MRPS6: variants seen among roughly 807,000 people sequenced by gnomAD.
MRPS6 encodes the protein mitochondrial ribosomal protein S6.
Under a neutral mutation model 13.1 loss-of-function variants are expected in MRPS6, and 6 were observed. That is an observed-to-expected ratio of 0.46 (90% CI 0.25 to 0.91). The LOEUF (loss-of-function observed/expected upper bound fraction) is 0.91. MRPS6 is among the 40% of genes least tolerant of loss of function. MRPS6 has a pLI of 0.18. For missense variants in MRPS6, 164 were observed against 155.6 expected (o/e 1.05, Z -0.29); for synonymous variants, 61 against 56.5 (o/e 1.08, Z -0.36).
intron 1 of MRPS6, chr21:34,095,656 C>G: frequency 6.2e-7 from 1 of 1,613,526 alleles, no homozygotes; most frequent in Non-Finnish European, 8.5e-7. Flanking sequence ...ATCCAGGAGT[C>G]TTTGGGTTGG....
At chr21:34,082,199 A>G (rs1218274709) in intron 1 of MRPS6, among the ~76,000 whole-genome samples, 3 of 152,094 alleles carry the variant, frequency 2.0e-5, no homozygotes, top group Admixed American at 1.3e-4. Context: ...ATCTCTTAGC[A>G]TTTATGTTGA....
chr21:34,091,484 A>C (rs529981117), intron 1 of MRPS6, among the ~76,000 whole-genome samples: 10 of 152,180 alleles, frequency 6.6e-5, no homozygotes, highest in Non-Finnish European at 1.5e-4. Context: ...TCTGGTCATG[A>C]TAACTAATTA....
intron 1 of MRPS6, among the ~76,000 whole-genome samples, chr21:34,118,557 C>CTTTTT (rs373895797): frequency 2.3e-5 from 3 of 133,172 alleles, no homozygotes; most frequent in Non-Finnish European, 3.2e-5. Context: ...TTCTTTCTTT[C>CTTTTT]TTTTTTTTTT....
chr21:34,095,643 TTTA>T, intron 1 of MRPS6: 1 of 1,613,824 alleles, frequency 6.2e-7, no homozygotes, highest in Non-Finnish European at 8.5e-7. Flanking sequence ...GGGTGCCCTT[TTTA>T]TCCAGGAGTC....
intron 1 of MRPS6, among the ~76,000 whole-genome samples, chr21:34,108,236 C>T (rs1979560621): frequency 6.6e-6 from 1 of 152,188 alleles, no homozygotes. Context: ...CTTGCCAGCT[C>T]CATTCATGGT....
chr21:34,128,420 G>A (rs1980384922), intron 2 of MRPS6, among the ~76,000 whole-genome samples: 1 of 152,156 alleles, frequency 6.6e-6, no homozygotes, highest in African/African-American at 2.4e-5. Context: ...TGGAAGAAAA[G>A]AGTAGGTAAG....
intron 1 of MRPS6, chr21:34,095,361 C>T: frequency 1.2e-6 from 2 of 1,614,122 alleles, no homozygotes; most frequent in Non-Finnish European, 1.7e-6. Context: ...TGGTGCCTCT[C>T]TGTTTGTGAG....
rs1270895662 is a variant in MRPS6 at position 34,073,597 on chromosome 21, C to T, written c.-104C>T. On this transcript the variant is annotated 5_prime_UTR_variant, in exon 1 of 3. Transcript: ENST00000399312. ...GACCGTGCTTTCGCCGCCTGGGAGC[C>T]GTCCGGCGCAGCAGTTTCTAGGTCC... The T allele has an allele frequency of 1.3e-5, 13 of 1,008,732 alleles. No individual in the cohort carries two copies. In the South Asian group the frequency reaches 1.4e-4, roughly 11 times the overall value. 62.5% of individuals were successfully genotyped at this position (1,008,732 alleles called of 1,614,324 possible).
rs765443139 is a variant in MRPS6 at position 34,095,688 on chromosome 21, C to G, written c.45+21943C>G. 5 of 1,613,826 alleles carry G rather than the reference C, an allele frequency of 3.1e-6. No individual in the cohort carries two copies. In the Admixed American group the frequency reaches 8.3e-5, roughly 27 times the overall value. On this transcript the variant is annotated intron_variant, in intron 1 of 2. Transcript: ENST00000399312. Reference sequence around the variant, plus strand: ...TTGGAATCTTTATGTGTCTGTCATCCTGCTCATTGGCATGACTGCTTTGCT... The same window carrying G: ...TTGGAATCTTTATGTGTCTGTCATCGTGCTCATTGGCATGACTGCTTTGCT...
intron 1 of MRPS6, chr21:34,101,743 A>T (rs1459308303): frequency 1.0e-6 from 1 of 992,552 alleles, no homozygotes; most frequent in Non-Finnish European, 1.2e-6. Context: ...CTCATTAAAT[A>T]TAATTATGTT....
At chr21:34,098,247 T>C in intron 1 of MRPS6, 3 of 999,902 alleles carry the variant, frequency 3.0e-6, no homozygotes, top group Non-Finnish European at 3.6e-6. Flanking sequence ...CTGCTAATTT[T>C]CTAGCTTTAT....
intron 1 of MRPS6, chr21:34,122,295 G>T (rs1460004077): frequency 6.6e-6 from 1 of 152,190 alleles, no homozygotes; most frequent in Non-Finnish European, 1.5e-5. Context: ...TGGCCCAAGA[G>T]CCCTGGTTTG....
intron 2 of MRPS6, among the ~76,000 whole-genome samples, chr21:34,139,068 C>T (rs2123276712): frequency 6.6e-6 from 1 of 151,662 alleles, no homozygotes; most frequent in African/African-American, 2.4e-5. Flanking sequence ...TCATCATTCT[C>T]AGTAAACTGT....
chr21:34,075,668 T>C (rs985655418), intron 1 of MRPS6, among the ~76,000 whole-genome samples: 13 of 152,194 alleles, frequency 8.5e-5, no homozygotes, highest in Non-Finnish European at 1.9e-4. Flanking sequence ...GGCGAAGTTA[T>C]GTTGAGGAGA....
chr21:34,088,384 T>C (rs112696569), intron 1 of MRPS6, among the ~76,000 whole-genome samples: 1,753 of 20,358 alleles, frequency 0.086, 38 homozygotes, highest in South Asian at 0.32. Context: ...TTGCTGTATG[T>C]GAAGCCTATG....
At chr21:34,098,810 G>A in intron 1 of MRPS6, 1 of 1,000,004 alleles carries the variant, frequency 1.0e-6, no homozygotes, top group South Asian at 4.7e-5. Context: ...ACGTACTTCT[G>A]TGTCTTCGTA....
intron 1 of MRPS6, among the ~76,000 whole-genome samples, chr21:34,081,757 G>T (rs1026926957): frequency 6.6e-6 from 1 of 152,132 alleles, no homozygotes; most frequent in Non-Finnish European, 1.5e-5. Flanking sequence ...AAGTAGCTTT[G>T]TGGTCTTAGG....
chr21:34,091,851 C>T (rs926666360), intron 1 of MRPS6, among the ~76,000 whole-genome samples: 10 of 152,284 alleles, frequency 6.6e-5, no homozygotes, highest in African/African-American at 1.9e-4. Context: ...ACTCCCATTA[C>T]AGAAGCTTTT....
intron 1 of MRPS6, 38 bp from the exon 2 acceptor site, chr21:34,125,303 C>T: frequency 6.2e-7 from 1 of 1,601,976 alleles, no homozygotes; most frequent in Middle Eastern, 1.7e-4. Context: ...AATTCTGATG[C>T]TTTTTTTTCT....
Sources: gnomAD v4.1 joint callset for allele counts (sites outside exome capture counted in the v4.1 genomes callset) on GRCh38, gnomAD v4.1.1 for gene constraint, MANE v1.5 for transcripts, NCBI Gene and HGNC (gene_info 2026-07-23, HGNC 2026-07-21) for gene names.